Variants in FOXP1 observed in about 807,000 individuals in gnomAD.
FOXP1 encodes the protein forkhead box protein P1.
FOXP1 carries 15 observed loss-of-function variants against 98.2 expected under a neutral mutation model. The ratio of observed to expected loss-of-function variants is 0.15; its 90% CI spans 0.10 to 0.24. The LOEUF (loss-of-function observed/expected upper bound fraction) is 0.24, where lower values mean the gene tolerates loss of function less well. Among genes scored for constraint, FOXP1 ranks in the 10% least tolerant of loss-of-function variants. The pLI, the probability that FOXP1 is intolerant of heterozygous loss-of-function variation, is 1.00. For synonymous variants in FOXP1, 371 were observed against 314.5 expected, an observed-to-expected ratio of 1.18 and a Z score of -1.90; for missense variants, 633 against 848.5, an observed-to-expected ratio of 0.75 and a Z score of 3.15.
At chr3:71,554,575 G>C (rs989932961) in intron 2 of FOXP1, among the ~76,000 whole-genome samples, 1 of 152,092 alleles carries the variant, frequency 6.6e-6, no homozygotes, top group Non-Finnish European at 1.5e-5. Context: ...TACCTTAACT[G>C]AGTTTCTATT....
chr3:71,202,069 G>A (rs2063713137), intron 5 of FOXP1, among the ~76,000 whole-genome samples: 1 of 152,210 alleles, frequency 6.6e-6, no homozygotes, highest in South Asian at 2.1e-4. Context: ...ACACCATTCT[G>A]GTGGGTGGAG....
chr3:71,013,098 T>C (rs1221199804), intron 12 of FOXP1, among the ~76,000 whole-genome samples: 3 of 152,300 alleles, frequency 2.0e-5, no homozygotes, highest in African/African-American at 7.2e-5. Context: ...TCACTTCAGC[T>C]ATGAGATTAA....
Position 70,957,754 on chromosome 3 carries a change from A to T in FOXP1, c.*1493T>A, listed in dbSNP as rs966200518. 8.6e-5 allele frequency: 20 copies of T among 233,626 alleles called. No homozygotes were observed. In the Admixed American group the frequency reaches 9.6e-4, roughly 11 times the overall value. The allele number at this position is 233,626 out of a possible 1,614,324, so 14.5% of individuals were successfully genotyped here. A position where few individuals can be genotyped will look rare whatever the true frequency, so the allele number is the denominator to read the frequency against. ...ATGATATCTTCTATGAGTTTTTGTG[A>T]TACTGGGTTGGTGATATAATATTGC... On this transcript the variant is annotated 3_prime_UTR_variant, in exon 21 of 21. Coordinates refer to ENST00000649528, the MANE Select transcript of FOXP1 (RefSeq NM_001349338.3).
At chr3:71,170,633 T>C (rs540488566) in intron 6 of FOXP1, among the ~76,000 whole-genome samples, 13 of 152,346 alleles carry the variant, frequency 8.5e-5, no homozygotes, top group African/African-American at 3.1e-4. Context: ...TAGGATGTTT[T>C]ATTGCTCGCG....
At position 71,000,767 on chromosome 3, in the gene FOXP1, C is replaced by G. The variant is rs145115800; in HGVS notation, c.1062+205G>C. ...CTGAGCAGCAGTTCCAAAGAGTGAA[C>G]TGGGGCTGAACCTGCCCAAAGAGGT... On this transcript the variant is annotated intron_variant, in intron 13 of 20. Coordinates refer to ENST00000649528, the MANE Select transcript of FOXP1 (RefSeq NM_001349338.3). 9.6e-5 allele frequency among the ~76,000 whole-genome samples: 14 copies of G among 146,586 alleles called. No individual in the cohort carries two copies. The East Asian group carries it at 2.7e-3, about 29-fold the overall frequency.
At chr3:71,466,148 C>A (rs866741489) in intron 3 of FOXP1, among the ~76,000 whole-genome samples, 3 of 152,150 alleles carry the variant, frequency 2.0e-5, no homozygotes, top group Non-Finnish European at 4.4e-5. Context: ...GAAACAGATG[C>A]CAGCCCATCC....
intron 5 of FOXP1, among the ~76,000 whole-genome samples, chr3:71,270,892 CA>C (rs11348980): frequency 0.43 from 64,730 of 152,114 alleles, 14,237 homozygotes; most frequent in East Asian, 0.56. Context: ...TTCTCCCTCC[CA>C]AGGTGCAAGA....
intron 6 of FOXP1, among the ~76,000 whole-genome samples, chr3:71,179,259 G>A (rs1290625278): frequency 6.6e-6 from 1 of 151,134 alleles, no homozygotes; most frequent in Admixed American, 6.6e-5. Context: ...CTCCCGAGTA[G>A]CTGGGATTAC....
At chr3:71,000,778 C>G (rs1294783975) in intron 13 of FOXP1, among the ~76,000 whole-genome samples, 194 bp downstream of exon 13, 1 of 125,974 alleles carries the variant, frequency 7.9e-6, no homozygotes, top group Non-Finnish European at 1.5e-5. Context: ...TGGGGCTGAA[C>G]CTGCCCAAAG....
intron 14 of FOXP1, among the ~76,000 whole-genome samples, chr3:70,984,735 A>G (rs2039443544): frequency 6.6e-6 from 1 of 152,150 alleles, no homozygotes; most frequent in African/African-American, 2.4e-5. Flanking sequence ...AGCAGGAAGA[A>G]AGGCCGTCGA....
intron 6 of FOXP1, among the ~76,000 whole-genome samples, chr3:71,193,517 T>C (rs570337189): frequency 2.0e-5 from 3 of 148,526 alleles, no homozygotes; most frequent in African/African-American, 5.0e-5. Flanking sequence ...GGTGCAACCT[T>C]GGCTCACTGC....
intron 11 of FOXP1, among the ~76,000 whole-genome samples, chr3:71,022,657 T>C (rs2045598404): frequency 6.6e-6 from 1 of 152,208 alleles, no homozygotes; most frequent in Non-Finnish European, 1.5e-5. Context: ...AGCATAGTGT[T>C]GGGAGGCCTC....
chr3:71,240,086 C>T (rs545387604), intron 5 of FOXP1, among the ~76,000 whole-genome samples: 35 of 152,262 alleles, frequency 2.3e-4, no homozygotes, highest in South Asian at 1.2e-3. Flanking sequence ...TGGAGGCAGC[C>T]GATTTCTATT....
At chr3:71,222,004 T>G (rs1422292403) in intron 5 of FOXP1, among the ~76,000 whole-genome samples, 2 of 152,040 alleles carry the variant, frequency 1.3e-5, no homozygotes. Context: ...AATACAAAAA[T>G]TACCTGGGCA....
At chr3:71,075,620 T>C (rs2053719392) in intron 7 of FOXP1, among the ~76,000 whole-genome samples, 1 of 152,168 alleles carries the variant, frequency 6.6e-6, no homozygotes, top group African/African-American at 2.4e-5. Flanking sequence ...GGTTGTGGTG[T>C]GCTACATACC....
At chr3:71,326,235 C>T (rs1281225285) in intron 4 of FOXP1, among the ~76,000 whole-genome samples, 1 of 152,160 alleles carries the variant, frequency 6.6e-6, no homozygotes, top group African/African-American at 2.4e-5. Context: ...ACCAGATCAC[C>T]TTAAGATCAG....
At chr3:71,063,932 A>G (rs1470234383) in intron 7 of FOXP1, among the ~76,000 whole-genome samples, 4 of 152,136 alleles carry the variant, frequency 2.6e-5, no homozygotes, top group Admixed American at 2.0e-4. Context: ...CCAACACCGT[A>G]CTTGGGGAGG....
rs1362896130 is a variant in FOXP1, at chr3:70,958,207, AAAG to A, written c.*1037_*1039del. On this transcript the variant is annotated 3_prime_UTR_variant, in exon 21 of 21. Transcript: ENST00000649528. ...ATTAATGGTTGCTGCAAAAAAAAAA[AAAG>A]AAAAGAAAAGAAAAAAAGAAAATCC... 2.0e-5 allele frequency: 9 copies of A among 446,960 alleles called. No homozygotes were observed. The highest frequency in any genetic ancestry group is 3.2e-4 in the Middle Eastern group (1 of 3,142). The allele number at this position is 446,960 out of a possible 1,614,324, so 27.7% of individuals were successfully genotyped here.
At position 70,958,468 on chromosome 3, in the gene FOXP1, T is replaced by C. The variant is rs1048447904; in HGVS notation, c.*779A>G. 5.1e-6 allele frequency: 2 copies of C among 393,800 alleles called. No homozygotes were observed. The highest frequency in any genetic ancestry group is 4.0e-5 in the African/African-American group (2 of 49,532). The allele number at this position is 393,800 out of a possible 1,614,324, so 24.4% of individuals were successfully genotyped here. On this transcript the variant is annotated 3_prime_UTR_variant, in exon 21 of 21. Transcript: ENST00000649528. Reference sequence around the variant, plus strand: ...AAACGTGGTGATGTCTGAAGGAAGATGGAATGAGTGACAGAAAGCTACAAA... The same window carrying C: ...AAACGTGGTGATGTCTGAAGGAAGACGGAATGAGTGACAGAAAGCTACAAA...
Sources: gnomAD v4.1 joint callset for allele counts (sites outside exome capture counted in the v4.1 genomes callset) on GRCh38, gnomAD v4.1.1 for gene constraint, MANE v1.5 for transcripts, NCBI Gene and HGNC (gene_info 2026-07-23, HGNC 2026-07-21) for gene names.